SYT16: variants seen among roughly 807,000 people sequenced by gnomAD.
SYT16 encodes synaptotagmin 16, also known as synaptotagmin-16.
Under a neutral mutation model 61.4 loss-of-function variants are expected in SYT16, and 42 were observed. The ratio of observed to expected loss-of-function variants is 0.68; its 90% CI spans 0.53 to 0.89. SYT16 has a LOEUF of 0.89. Among genes scored for constraint, SYT16 ranks in the 40% least tolerant of loss-of-function variants. The probability of loss-of-function intolerance (pLI) is 0.00; values close to 1 mark genes in which losing one functional copy is unlikely to be tolerated. For missense variants in SYT16, 804 were observed against 807.3 expected, an observed-to-expected ratio of 1.00 and a Z score of 0.05; for synonymous variants, 314 against 302.3, an observed-to-expected ratio of 1.04 and a Z score of -0.40.
At chr14:61,865,547 A>G (rs1442675909) in intron 1 of SYT16, among the ~76,000 whole-genome samples, 1 of 152,220 alleles carries the variant, frequency 6.6e-6, no homozygotes, top group Non-Finnish European at 1.5e-5. Context: ...CCACAGTACT[A>G]AGGTGACTGG....
At chr14:61,941,597 C>T (rs912061347) in intron 1 of SYT16, among the ~76,000 whole-genome samples, 1 of 152,166 alleles carries the variant, frequency 6.6e-6, no homozygotes, top group Non-Finnish European at 1.5e-5. Context: ...CTCATTCTAT[C>T]TTCCCTTGCC....
At chr14:62,080,150 C>T (rs1350897531) in intron 5 of SYT16, among the ~76,000 whole-genome samples, 1 of 152,142 alleles carries the variant, frequency 6.6e-6, no homozygotes, top group Non-Finnish European at 1.5e-5. Context: ...TACTAAAGGG[C>T]TGTGGAGGTG....
intron 3 of SYT16, among the ~76,000 whole-genome samples, chr14:62,046,428 C>G (rs1442533525): frequency 6.6e-6 from 1 of 151,984 alleles, no homozygotes; most frequent in Non-Finnish European, 1.5e-5. Flanking sequence ...ATGGTAGTTT[C>G]TTTTGCTGTG....
chr14:61,834,221 C>T (rs1261325437), intron 1 of SYT16, among the ~76,000 whole-genome samples: 1 of 151,892 alleles, frequency 6.6e-6, no homozygotes, highest in African/African-American at 2.4e-5. Context: ...ACCTCCACCT[C>T]CCAGGTTCAA....
intron 3 of SYT16, among the ~76,000 whole-genome samples, chr14:62,029,201 T>C (rs1432295628): frequency 6.6e-6 from 1 of 152,192 alleles, no homozygotes; most frequent in Non-Finnish European, 1.5e-5. Flanking sequence ...TGATCTCAGC[T>C]CACTGCAACC....
At chr14:61,860,970 G>A (rs1214906935) in intron 1 of SYT16, among the ~76,000 whole-genome samples, 1 of 152,170 alleles carries the variant, frequency 6.6e-6, no homozygotes, top group African/African-American at 2.4e-5. Context: ...AAAGCAATCG[G>A]AGGAGGGTGA....
At chr14:61,823,371 T>C (rs1430293412) in intron 1 of SYT16, among the ~76,000 whole-genome samples, 1 of 151,976 alleles carries the variant, frequency 6.6e-6, no homozygotes, top group Admixed American at 6.6e-5. Context: ...AAAGTTTTAA[T>C]ATGCTTATGT....
chr14:61,893,146 A>G (rs2048199703), intron 1 of SYT16, among the ~76,000 whole-genome samples: 1 of 152,212 alleles, frequency 6.6e-6, no homozygotes, highest in Non-Finnish European at 1.5e-5. Context: ...ACCAGAAGAG[A>G]TACTGGGAAA....
At chr14:61,824,083 G>C (rs927095021) in intron 1 of SYT16, among the ~76,000 whole-genome samples, 1 of 152,130 alleles carries the variant, frequency 6.6e-6, no homozygotes, top group Non-Finnish European at 1.5e-5. Flanking sequence ...AAAGAGAAGA[G>C]TCTGAACTCA....
chr14:62,077,740 CA>C (rs2056546915), intron 5 of SYT16: 1 of 152,140 alleles, frequency 6.6e-6, no homozygotes, highest in Non-Finnish European at 1.5e-5. Flanking sequence ...ATCTTTTTCT[CA>C]AATCAACCCA....
intron 3 of SYT16, among the ~76,000 whole-genome samples, chr14:62,049,333 A>G (rs1254102847): frequency 6.6e-6 from 1 of 152,004 alleles, no homozygotes; most frequent in Non-Finnish European, 1.5e-5. Flanking sequence ...TGCTTGGTAG[A>G]TCTTCCTCCA....
chr14:62,036,213 G>A (rs2140827882), intron 3 of SYT16, among the ~76,000 whole-genome samples: 1 of 152,246 alleles, frequency 6.6e-6, no homozygotes, highest in South Asian at 2.1e-4. Flanking sequence ...AGAGCATTTT[G>A]AAGAATGAGT....
intron 4 of SYT16, among the ~76,000 whole-genome samples, chr14:62,070,763 C>A (rs1016212344): frequency 6.6e-6 from 1 of 152,172 alleles, no homozygotes; most frequent in African/African-American, 2.4e-5. Context: ...TGCCACCCAC[C>A]TTCATGACCT....
intron 1 of SYT16, among the ~76,000 whole-genome samples, chr14:61,858,132 A>G (rs2046838595): frequency 6.6e-6 from 1 of 150,648 alleles, no homozygotes; most frequent in South Asian, 2.1e-4. Context: ...AAAAAAAAAA[A>G]AAAAAAAAAA....
chr14:62,065,328 C>T (rs2056015276), intron 3 of SYT16, among the ~76,000 whole-genome samples: 1 of 152,086 alleles, frequency 6.6e-6, no homozygotes. Flanking sequence ...TTTTCTCTGT[C>T]TTTTGTTTCT....
At chr14:61,957,682 A>C (rs964536300) in intron 1 of SYT16, among the ~76,000 whole-genome samples, 15 of 151,880 alleles carry the variant, frequency 9.9e-5, no homozygotes, top group African/African-American at 3.6e-4. Flanking sequence ...TGATCCTTTT[A>C]ATGTGCTGTA....
intron 1 of SYT16, among the ~76,000 whole-genome samples, chr14:61,851,930 G>T (rs866776383): frequency 6.6e-6 from 1 of 152,036 alleles, no homozygotes; most frequent in African/African-American, 2.4e-5. Context: ...GTCAATTTTT[G>T]CTTTCGTTGC....
chr14:61,940,966 C>G (rs1274397799), intron 1 of SYT16, among the ~76,000 whole-genome samples: 9 of 152,150 alleles, frequency 5.9e-5, no homozygotes, highest in Non-Finnish European at 1.5e-5. Context: ...CTTCCTGGGC[C>G]TTAGGGGAGA....
chr14:61,968,808 A>G (rs557943660), intron 1 of SYT16, among the ~76,000 whole-genome samples: 1 of 152,302 alleles, frequency 6.6e-6, no homozygotes, highest in South Asian at 2.1e-4. Context: ...CTTGCCTATA[A>G]CTACTGCTAC....
Sources: allele counts gnomAD v4.1 joint callset (sites outside exome capture counted in the v4.1 genomes callset), GRCh38; gene constraint gnomAD v4.1.1; transcripts MANE v1.5; gene names NCBI Gene and HGNC (gene_info 2026-07-23, HGNC 2026-07-21).